Variants in TAB1 observed in about 807,000 individuals in gnomAD.
TAB1 encodes the protein TGF-beta activated kinase 1 (MAP3K7) binding protein 1.
A neutral mutation model predicts 54.5 loss-of-function variants in TAB1; 30 were observed. That is an observed-to-expected ratio of 0.55 (90% CI 0.41 to 0.75). The LOEUF is 0.75. TAB1 is among the 30% of genes least tolerant of loss of function. TAB1 has a pLI of 0.00. For synonymous variants in TAB1, 289 were observed against 286.9 expected (o/e 1.01, Z -0.07); for missense variants, 609 against 683.2 (o/e 0.89, Z 1.21).
chr22:39,416,674 C>A, intron 3 of TAB1, 117 bp from the exon 4 acceptor site: 1 of 950,984 alleles, frequency 1.1e-6, no homozygotes, highest in Non-Finnish European at 1.7e-6. Context: ...AAAGCTCCAT[C>A]ACACAAGAAC....
chr22:39,431,028 C>T lies in TAB1; in HGVS notation c.*806C>T. 1.0e-6 allele frequency: 1 copy of T among 985,924 alleles called. No individual in the cohort carries two copies. The allele number at this position is 985,924 out of a possible 1,614,324, so 61.1% of individuals were successfully genotyped here. A position where few individuals can be genotyped will look rare whatever the true frequency, so the allele number is the denominator to read the frequency against. ...CCTGCCTTGCATTTTCCTTCTGGTGCTGTGAAGACCATAGGCTGGCAGGCA... is the reference window on the plus strand; with the variant it reads ...CCTGCCTTGCATTTTCCTTCTGGTGTTGTGAAGACCATAGGCTGGCAGGCA... On this transcript the variant is annotated 3_prime_UTR_variant, in exon 11 of 11. Transcript: ENST00000216160.
In TAB1 at chr22:39,428,161, G is replaced by T; in HGVS notation, c.1285G>T (p.Glu429Ter). ...GGCTCACAGTGCTTCCACCCTGGACGAAGCCACCCCCACCCTCACCAAGTA... is the reference window on the plus strand; with the variant it reads ...GGCTCACAGTGCTTCCACCCTGGACTAAGCCACCCCCACCCTCACCAAGTA... ...NGAHSASTLD[E>*]ATPTLTNQSP... The change falls in exon 10 of 11, where the codon GAA becomes TAA. Residue 429 changes from glutamate to a stop codon, truncating the protein, a stop_gained. Coordinates refer to ENST00000216160, the MANE Select transcript of TAB1 (RefSeq NM_006116.3). LOFTEE classifies it high-confidence loss of function. 6.2e-7 allele frequency: 1 copy of T among 1,609,034 alleles called. No homozygotes were observed. The highest frequency in any genetic ancestry group is 8.5e-7 in the Non-Finnish European group (1 of 1,176,450).
intron 1 of TAB1, among the ~76,000 whole-genome samples, chr22:39,410,275 T>C (rs1926551713): frequency 6.6e-6 from 1 of 152,074 alleles, no homozygotes; most frequent in African/African-American, 2.4e-5. Flanking sequence ...GCCTGGCTAA[T>C]TTTTGTATTT....
chr22:39,416,452 TGA>T (rs1430921052), intron 3 of TAB1, among the ~76,000 whole-genome samples: 5 of 152,224 alleles, frequency 3.3e-5, no homozygotes, highest in African/African-American at 1.2e-4. Context: ...CTCCGTTGTG[TGA>T]GACTGAGGGG....
chr22:39,416,128 G>C lies in TAB1; in HGVS notation c.324+475G>C, dbSNP rs56796306. On this transcript the variant is annotated intron_variant, in intron 3 of 10. Transcript: ENST00000216160. ...GTTGGCAGTTTTCCTCCTGGCATCT[G>C]CTTTCAGGAGCATGTCTCAGGCCCA... is the stretch of plus-strand genomic sequence containing the variant. Among the ~76,000 whole-genome samples, 937 of 152,240 alleles carry C rather than the reference G, an allele frequency of 6.2e-3. 13 individuals carry two copies. The highest frequency in any genetic ancestry group is 0.044 in the East Asian group (225 of 5,170).
rs1041776132 is a variant in TAB1 at position 39,409,923 on chromosome 22, C to T, written c.34-5083C>T. Among the ~76,000 whole-genome samples, 10 of 152,296 alleles carry T rather than the reference C, an allele frequency of 6.6e-5. 1 individual carries two copies. Among genetic ancestry groups the T allele is most frequent in the Admixed American group, 6.5e-4 (10 of 15,290 alleles). ...TACCCAGAATACTGCCAGACTGTTGCAAATGCTCAGCAGATATTTATTGAA... is the reference window on the plus strand; with the variant it reads ...TACCCAGAATACTGCCAGACTGTTGTAAATGCTCAGCAGATATTTATTGAA... On this transcript the variant is annotated intron_variant, in intron 1 of 10. Coordinates refer to ENST00000216160, the MANE Select transcript of TAB1 (RefSeq NM_006116.3).
At chr22:39,416,718 T>C (rs756830524) in intron 3 of TAB1, 73 bp from the exon 4 acceptor site, 27 of 1,399,188 alleles carry the variant, frequency 1.9e-5, no homozygotes, top group Middle Eastern at 1.8e-4. Flanking sequence ...CTGCTCTGAT[T>C]AATAGAGGAC....
At chr22:39,435,213 T>C (rs866049268), downstream of TAB1, among the ~76,000 whole-genome samples, 1 of 152,250 alleles carries the variant, frequency 6.6e-6, no homozygotes, top group South Asian at 2.1e-4. Context: ...CAAATTCTTG[T>C]GTTCCATTTT....
chr22:39,417,386 C>G (rs1293463455), intron 4 of TAB1, among the ~76,000 whole-genome samples: 1 of 152,080 alleles, frequency 6.6e-6, no homozygotes, highest in Non-Finnish European at 1.5e-5. Flanking sequence ...CTTGGGAGGC[C>G]GAGGCGGGCG....
chr22:39,434,963 C>T (rs1290912362), downstream of TAB1, among the ~76,000 whole-genome samples: 1 of 152,206 alleles, frequency 6.6e-6, no homozygotes, highest in African/African-American at 2.4e-5. Context: ...GGGAGTCACT[C>T]CCCTCCCCCA....
chr22:39,403,703 A>C (rs903377194), intron 1 of TAB1, among the ~76,000 whole-genome samples: 1 of 150,894 alleles, frequency 6.6e-6, no homozygotes, highest in South Asian at 2.1e-4. Context: ...CAGTGGCGCA[A>C]TCTCAGCTCA....
intron 8 of TAB1, among the ~76,000 whole-genome samples, chr22:39,423,910 G>A (rs1270646449): frequency 6.6e-6 from 1 of 151,884 alleles, no homozygotes. Flanking sequence ...TGTAACTAAT[G>A]TATAGTGTTT....
At chr22:39,417,949 C>G in intron 5 of TAB1, 100 bp downstream of exon 5, 1 of 1,448,062 alleles carries the variant, frequency 6.9e-7, no homozygotes, top group South Asian at 1.5e-5. Flanking sequence ...ACTTCACGCA[C>G]TTTAAACCCA....
At chr22:39,423,305 A>T (rs1927174334) in intron 8 of TAB1, among the ~76,000 whole-genome samples, 1 of 152,014 alleles carries the variant, frequency 6.6e-6, no homozygotes, top group Admixed American at 6.5e-5. Context: ...TGTCCTTTTT[A>T]ATTAAAAATC....
intron 8 of TAB1, among the ~76,000 whole-genome samples, chr22:39,423,851 G>C (rs910420370): frequency 1.3e-5 from 2 of 151,292 alleles, no homozygotes; most frequent in African/African-American, 4.9e-5. Flanking sequence ...AATGTATAGT[G>C]TTTTATAGTG....
At chr22:39,434,425 C>T (rs1258755633), downstream of TAB1, among the ~76,000 whole-genome samples, 1 of 152,256 alleles carries the variant, frequency 6.6e-6, no homozygotes. Context: ...GGCCAAGCTC[C>T]TGAAATTTCC....
Position 39,414,993 on chromosome 22 carries a change from T to C in TAB1, c.34-13T>C, listed in dbSNP as rs746247405. ...GCGGTGGCGTCTCACGGCTTCCTGG[T>C]GTCCTTCCCCAGGAGCAGCAGCCAA... On this transcript the variant is annotated splice_polypyrimidine_tract_variant and intron_variant, in intron 1 of 10. Coordinates refer to ENST00000216160, the MANE Select transcript of TAB1 (RefSeq NM_006116.3). The C allele has an allele frequency of 3.7e-6, 6 of 1,613,606 alleles. No individual in the cohort carries two copies. The Admixed American group carries it at 1.0e-4, about 27-fold the overall frequency.
intron 1 of TAB1, 190 bp from the exon 2 acceptor site, chr22:39,414,816 C>G: frequency 1.7e-6 from 1 of 586,134 alleles, no homozygotes. Context: ...AGTTTGTAGA[C>G]TAGCCATAAA....
chr22:39,422,830 G>A (rs2145676698), intron 8 of TAB1, among the ~76,000 whole-genome samples: 1 of 152,270 alleles, frequency 6.6e-6, no homozygotes, highest in Non-Finnish European at 1.5e-5. Flanking sequence ...ACCAAAGTGT[G>A]ACTTCAAGAC....
Sources: gnomAD v4.1 joint callset for allele counts (sites outside exome capture counted in the v4.1 genomes callset) on GRCh38, gnomAD v4.1.1 for gene constraint, MANE v1.5 for transcripts, NCBI Gene and HGNC (gene_info 2026-07-23, HGNC 2026-07-21) for gene names.